LINGO2: variants seen among roughly 807,000 people sequenced by gnomAD.
LINGO2 encodes leucine rich repeat and Ig domain containing 2, also known as leucine-rich repeat and immunoglobulin-like domain-containing nogo receptor-interacting protein 2.
A neutral mutation model predicts 30.6 loss-of-function variants in LINGO2; 14 were observed. The observed-to-expected ratio is 0.46, with a 90% CI of 0.30 to 0.72. The LOEUF is 0.72. LINGO2 is among the 30% of genes least tolerant of loss of function. The pLI is 0.07. For synonymous variants in LINGO2, 317 were observed against 288.5 expected (o/e 1.10, Z -1.00); for missense variants, 729 against 751.7 (o/e 0.97, Z 0.35).
intron 4 of LINGO2, among the ~76,000 whole-genome samples, chr9:28,244,846 A>G (rs931565824): frequency 6.6e-6 from 1 of 151,224 alleles, no homozygotes; most frequent in Admixed American, 6.6e-5. Flanking sequence ...CCAGGACCAC[A>G]TGGATTCACA....
chr9:28,333,488 G>T (rs1288649613), intron 3 of LINGO2, among the ~76,000 whole-genome samples: 3 of 151,958 alleles, frequency 2.0e-5, no homozygotes, highest in Non-Finnish European at 4.4e-5. Context: ...AAGCCACAAT[G>T]GTAACTTGAT....
intron 4 of LINGO2, among the ~76,000 whole-genome samples, chr9:28,042,955 A>T (rs1211599717): frequency 1.3e-5 from 2 of 152,220 alleles, no homozygotes; most frequent in Admixed American, 6.5e-5. Context: ...AAAATCCCGT[A>T]AACATTTCTA....
At chr9:28,354,759 A>G (rs992073421) in intron 3 of LINGO2, among the ~76,000 whole-genome samples, 6 of 152,204 alleles carry the variant, frequency 3.9e-5, no homozygotes, top group Non-Finnish European at 8.8e-5. Flanking sequence ...TCTACTGTAT[A>G]TAAGTTCATA....
At chr9:28,421,279 A>G (rs1363825734) in intron 2 of LINGO2, among the ~76,000 whole-genome samples, 1 of 152,000 alleles carries the variant, frequency 6.6e-6, no homozygotes, top group East Asian at 1.9e-4. Context: ...GAAAAAAATA[A>G]AAAAGGACAT....
the LINGO2 span, among the ~76,000 whole-genome samples, chr9:29,194,499 G>A: frequency 0.045 from 6,903 of 152,238 alleles, 232 homozygotes; most frequent in Admixed American, 0.08. Context: ...TTTCAAGGCA[G>A]ATTTCTGTCT....
At chr9:28,939,446 G>C in the LINGO2 span, among the ~76,000 whole-genome samples, 1 of 151,756 alleles carries the variant, frequency 6.6e-6, no homozygotes, top group Admixed American at 6.6e-5. Flanking sequence ...TCATATACTT[G>C]ACCATGGGTT....
At chr9:28,848,919 G>T in the LINGO2 span, among the ~76,000 whole-genome samples, 3 of 151,852 alleles carry the variant, frequency 2.0e-5, no homozygotes, top group African/African-American at 4.8e-5. Context: ...TAAGGTGATG[G>T]TATTAGCACA....
chr9:28,757,424 T>C, the LINGO2 span, among the ~76,000 whole-genome samples: 1 of 151,950 alleles, frequency 6.6e-6, no homozygotes, highest in Non-Finnish European at 1.5e-5. Context: ...GATGGTGTAA[T>C]GTTGAGCACA....
intron 1 of LINGO2, among the ~76,000 whole-genome samples, chr9:28,566,956 T>C (rs962444602): frequency 6.6e-6 from 1 of 152,190 alleles, no homozygotes; most frequent in Non-Finnish European, 1.5e-5. Flanking sequence ...GTTGATATGA[T>C]ATTATTTTTA....
the LINGO2 span, among the ~76,000 whole-genome samples, chr9:29,102,034 T>C: frequency 7.2e-5 from 11 of 152,068 alleles, no homozygotes; most frequent in Non-Finnish European, 1.3e-4. Context: ...TTTTCAGAGA[T>C]AAAACTATCA....
At chr9:28,941,657 T>C in the LINGO2 span, among the ~76,000 whole-genome samples, 2 of 152,292 alleles carry the variant, frequency 1.3e-5, no homozygotes, top group South Asian at 4.1e-4. Flanking sequence ...TTATATGCAT[T>C]GAATGACTAT....
At chr9:28,758,163 T>G in the LINGO2 span, among the ~76,000 whole-genome samples, 2 of 152,188 alleles carry the variant, frequency 1.3e-5, no homozygotes, top group South Asian at 2.1e-4. Context: ...TTATGATTGC[T>G]TACCTGTTCA....
intron 3 of LINGO2, among the ~76,000 whole-genome samples, chr9:28,340,208 C>T (rs1316917888): frequency 1.3e-5 from 2 of 152,110 alleles, no homozygotes; most frequent in Non-Finnish European, 2.9e-5. Context: ...GTCTCAGTTT[C>T]TTTGTATACA....
rs376466844 is a variant in LINGO2 at position 27,953,954 on chromosome 9, AGGT to A, written c.-35-3251_-35-3249del. On this transcript the variant is annotated intron_variant, in intron 5 of 5. Coordinates refer to ENST00000379992, the Ensembl canonical transcript of LINGO2. ...AGATGTTGACAATACTAACTTTTTG[AGGT>A]GGTGGGATTAATGGTGATTTTCACT... Among the ~76,000 whole-genome samples, 72 of 152,284 alleles carry A rather than the reference AGGT, an allele frequency of 4.7e-4. No homozygotes were observed. In the South Asian group the frequency reaches 0.013, roughly 28 times the overall value.
At chr9:28,769,534 TTTTTTTTTTTTA>T in the LINGO2 span, among the ~76,000 whole-genome samples, 2 of 66,416 alleles carry the variant, frequency 3.0e-5, no homozygotes, top group Non-Finnish European at 2.9e-5. Flanking sequence ...TTTTTTTTTT[TTTTTTTTTTTTA>T]CCTGAATGTC....
In LINGO2 at chr9:28,561,749, G is replaced by GTGTGTATATATATATATA. The variant is rs772157537; in HGVS notation, c.-364-85725_-364-85724insTATATATATATATACACA. Among the ~76,000 whole-genome samples the GTGTGTATATATATATATA allele has an allele frequency of 8.0e-4, 39 of 48,716 alleles. 6 individuals are homozygous for GTGTGTATATATATATATA. The highest frequency in any genetic ancestry group is 1.1e-3 in the East Asian group (2 of 1,776). The allele number at this position is 48,716 out of a possible 152,430, so 32.0% of individuals were successfully genotyped here. A position where few individuals can be genotyped will look rare whatever the true frequency, so the allele number is the denominator to read the frequency against. ...TATATATAATTTTGTGTGTGTGTGT[G>GTGTGTATATATATATATA]TATATATATATATATATATATATAT... On this transcript the variant is annotated intron_variant, in intron 1 of 5. Transcript: ENST00000379992.
chr9:28,499,279 TAGAA>T (rs2135307413), intron 1 of LINGO2, among the ~76,000 whole-genome samples: 1 of 152,296 alleles, frequency 6.6e-6, no homozygotes, highest in South Asian at 2.1e-4. Flanking sequence ...AATTAGGAAG[TAGAA>T]AGACCATCTC....
chr9:29,082,623 G>C, the LINGO2 span, among the ~76,000 whole-genome samples: 4 of 152,000 alleles, frequency 2.6e-5, no homozygotes, highest in African/African-American at 7.2e-5. Context: ...GCAAAAGAAA[G>C]TAGCATCAGA....
At chr9:28,221,343 T>TAAGTGTTC (rs1564055017) in intron 4 of LINGO2, among the ~76,000 whole-genome samples, 1 of 147,922 alleles carries the variant, frequency 6.8e-6, no homozygotes, top group African/African-American at 2.5e-5. Flanking sequence ...TAGAGGAGAT[T>TAAGTGTTC]AAGTGTTCTC....
Sources: gnomAD v4.1 joint callset for allele counts (sites outside exome capture counted in the v4.1 genomes callset) on GRCh38, gnomAD v4.1.1 for gene constraint, MANE v1.5 for transcripts, NCBI Gene and HGNC (gene_info 2026-07-23, HGNC 2026-07-21) for gene names.